The following MRM1 variants were observed in gnomAD, a reference collection of about 807,000 sequenced individuals.
MRM1 encodes rRNA methyltransferase 1, mitochondrial.
A neutral mutation model predicts 25.0 loss-of-function variants in MRM1; 24 were observed. The ratio of observed to expected loss-of-function variants is 0.96; its 90% CI spans 0.69 to 1.35. The LOEUF (loss-of-function observed/expected upper bound fraction) is 1.35. Ranked by LOEUF, MRM1 falls within the 40% of genes most tolerant of loss-of-function variation. MRM1 has a pLI of 0.00. For missense variants in MRM1, 431 were observed against 464.1 expected, an observed-to-expected ratio of 0.93 and a Z score of 0.65; for synonymous variants, 188 against 199.2, an observed-to-expected ratio of 0.94 and a Z score of 0.47.
chr17:36,602,346 G>A lies in MRM1; in HGVS notation c.536G>A (p.Arg179Lys). 1 of 1,557,798 alleles carries A rather than the reference G, an allele frequency of 6.4e-7. No individual in the cohort carries two copies. The part of the protein sequence containing the change: ...LGVDKVITSR[R>K]NSCPLTPVVS... The stretch of plus-strand genomic sequence containing the variant: ...GTGGATAAGGTCATCACCAGCCGGA[G>A]AAACAGGCACGGACGTCCCTCATTC... Residue 179 changes from arginine to lysine, a missense_variant, in exon 1 of 5, where the codon AGA becomes AAA. Coordinates refer to ENST00000614766, the MANE Select transcript of MRM1 (RefSeq NM_024864.5). This position sits in a 1 kb window ranked among gnomAD's most constrained non-coding sequence, Gnocchi z 4.1.
chr17:36,630,294 G>A, the MRM1 span, among the ~76,000 whole-genome samples: 3 of 152,156 alleles, frequency 2.0e-5, no homozygotes, highest in Non-Finnish European at 4.4e-5. Context: ...GTTCCAAAAG[G>A]GGCCTCCAAA....
intron 2 of MRM1, among the ~76,000 whole-genome samples, chr17:36,605,505 T>C (rs1201164551): frequency 6.6e-6 from 1 of 151,638 alleles, no homozygotes; most frequent in African/African-American, 2.4e-5. Context: ...GTTCATTTCT[T>C]GTTGGTCTCA....
rs2074947152 is a variant in MRM1 at position 36,608,032 on chromosome 17, C to T, written c.889+14C>T. The T allele has an allele frequency of 6.2e-7, 1 of 1,613,148 alleles. No individual in the cohort carries two copies. Reference sequence around the variant, plus strand: ...CTGTGGCTGCAGGTGAGTCTACTCCCCTTTCCCTTTCCTCTATCCCTCTAA... The same window carrying T: ...CTGTGGCTGCAGGTGAGTCTACTCCTCTTTCCCTTTCCTCTATCCCTCTAA... On this transcript the variant is annotated intron_variant, in intron 4 of 4. Transcript: ENST00000614766.
At chr17:36,614,356 G>A in the MRM1 span, among the ~76,000 whole-genome samples, 5 of 152,166 alleles carry the variant, frequency 3.3e-5, no homozygotes, top group African/African-American at 1.2e-4. Context: ...ACCCAGCCCA[G>A]AGCTCAGTGC....
Position 36,602,105 on chromosome 17 carries a change from G to T in MRM1, c.295G>T (p.Val99Phe), listed in dbSNP as rs2074877816. ...GATGGCCGAGGCGCGGGACATTCCA[G>T]TTCTGCGGCCCAGACGGCAGAAACT... The part of the protein sequence containing the change: ...LRMAEARDIP[V>F]LRPRRQKLDT... The change falls in exon 1 of 5, where the codon GTT becomes TTT. Residue 99 changes from valine (V) to phenylalanine (F), a missense_variant. Val to Phe is a conservative substitution (Grantham distance 50, BLOSUM62 -1). Coordinates refer to ENST00000614766, the MANE Select transcript of MRM1 (RefSeq NM_024864.5). This position sits in a 1 kb window ranked among gnomAD's most constrained non-coding sequence, Gnocchi z 4.1. The T allele has an allele frequency of 5.0e-6, 8 of 1,611,690 alleles. No individual in the cohort carries two copies. In the South Asian group the frequency reaches 8.8e-5, roughly 18 times the overall value.
chr17:36,633,665 G>T, the MRM1 span, among the ~76,000 whole-genome samples: 412 of 152,070 alleles, frequency 2.7e-3, 3 homozygotes, highest in Middle Eastern at 0.027. Flanking sequence ...GAAGGAGGAG[G>T]GGAGGAGAGG....
At chr17:36,613,440 G>C (rs368096738), downstream of MRM1, among the ~76,000 whole-genome samples, 1 of 152,142 alleles carries the variant, frequency 6.6e-6, no homozygotes, top group Non-Finnish European at 1.5e-5. Context: ...CTGCAGAGCC[G>C]CTCAGCCACT....
In MRM1 at chr17:36,608,765, T is replaced by A; in HGVS notation, c.*350T>A. ...AGGGGACCCGTTCCTCTTGAACCAG[T>A]CATTGCCTGTGGCAAATGTGTGTAT... On this transcript the variant is annotated 3_prime_UTR_variant, in exon 5 of 5. Coordinates refer to ENST00000614766, the MANE Select transcript of MRM1 (RefSeq NM_024864.5). 4.5e-6 allele frequency: 1 copy of A among 222,270 alleles called. No homozygotes were observed. The highest frequency in any genetic ancestry group is 8.8e-6 in the Non-Finnish European group (1 of 114,086). The allele number at this position is 222,270 out of a possible 1,614,324, so 13.8% of individuals were successfully genotyped here. A position where few individuals can be genotyped will look rare whatever the true frequency, so the allele number is the denominator to read the frequency against.
At chr17:36,626,735 G>A in the MRM1 span, among the ~76,000 whole-genome samples, 1 of 152,178 alleles carries the variant, frequency 6.6e-6, no homozygotes, top group Non-Finnish European at 1.5e-5. Flanking sequence ...AAAGTCACAG[G>A]TGCAGAATGC....
At chr17:36,631,681 C>T in the MRM1 span, among the ~76,000 whole-genome samples, 4 of 152,320 alleles carry the variant, frequency 2.6e-5, no homozygotes, top group South Asian at 8.3e-4. Flanking sequence ...GGTATCCTGG[C>T]AGTTCATGTT....
the MRM1 span, among the ~76,000 whole-genome samples, chr17:36,618,616 G>A: frequency 2.0e-5 from 3 of 152,112 alleles, no homozygotes; most frequent in East Asian, 1.9e-4. Flanking sequence ...TGGGACAGAC[G>A]GAGAGGTCAC....
At chr17:36,614,096 C>T in the MRM1 span, among the ~76,000 whole-genome samples, 7 of 151,628 alleles carry the variant, frequency 4.6e-5, no homozygotes, top group Admixed American at 2.0e-4. Flanking sequence ...ACAATGATGA[C>T]GATGATGATG....
rs764003907 is a variant in MRM1 at position 36,602,538 on chromosome 17, G to C, written c.543-15G>C. 18 of 1,614,038 alleles carry C rather than the reference G, an allele frequency of 1.1e-5. No individual in the cohort carries two copies. The Admixed American group carries it at 3.0e-4, about 27-fold the overall frequency. Reference sequence around the variant, plus strand: ...GATGGCCCAGCCTAATGCGGGGAACGGGGAAACCTTGCAGCTGCCCGCTCA... The same window carrying C: ...GATGGCCCAGCCTAATGCGGGGAACCGGGAAACCTTGCAGCTGCCCGCTCA... On this transcript the variant is annotated splice_polypyrimidine_tract_variant and intron_variant, in intron 1 of 4. Transcript: ENST00000614766. This position sits in a 1 kb window ranked among gnomAD's most constrained non-coding sequence, Gnocchi z 4.1.
At chr17:36,627,815 A>G in the MRM1 span, among the ~76,000 whole-genome samples, 1 of 151,502 alleles carries the variant, frequency 6.6e-6, no homozygotes, top group Non-Finnish European at 1.5e-5. Flanking sequence ...CTGGGATTAC[A>G]GGCACACGCC....
At chr17:36,617,375 CCCTT>C in the MRM1 span, among the ~76,000 whole-genome samples, 1 of 151,322 alleles carries the variant, frequency 6.6e-6, no homozygotes, top group Admixed American at 6.6e-5. Flanking sequence ...CCTTCAATAA[CCCTT>C]CCTTCCTTTC....
chr17:36,616,068 A>C, the MRM1 span, among the ~76,000 whole-genome samples: 1 of 152,128 alleles, frequency 6.6e-6, no homozygotes, highest in African/African-American at 2.4e-5. Context: ...CCGCAGACAC[A>C]TAAGCCCCTC....
chr17:36,612,739 G>A (rs866130852), downstream of MRM1, among the ~76,000 whole-genome samples: 2 of 152,140 alleles, frequency 1.3e-5, no homozygotes, highest in South Asian at 2.1e-4. Context: ...AGTTTTCATC[G>A]CCTATAAAAT....
At chr17:36,610,076 C>A (rs1195330772), downstream of MRM1, among the ~76,000 whole-genome samples, 1 of 151,868 alleles carries the variant, frequency 6.6e-6, no homozygotes, top group Non-Finnish European at 1.5e-5. Flanking sequence ...CAGGCGTGCA[C>A]CACGCGCAGC....
chr17:36,624,109 G>C, the MRM1 span, among the ~76,000 whole-genome samples: 1 of 152,140 alleles, frequency 6.6e-6, no homozygotes, highest in Non-Finnish European at 1.5e-5. This position sits in a 1 kb window ranked among gnomAD's most constrained non-coding sequence, Gnocchi z 4.0. Context: ...GCCAAGTCCA[G>C]CTGTGAAACA....
Sources: allele counts gnomAD v4.1 joint callset (sites outside exome capture counted in the v4.1 genomes callset), GRCh38; gene constraint gnomAD v4.1.1; non-coding constraint Gnocchi (gnomAD v3.1); transcripts MANE v1.5; gene names NCBI Gene and HGNC (gene_info 2026-07-23, HGNC 2026-07-21).